Variants in MALRD1 observed in about 807,000 individuals in gnomAD.
The protein encoded by MALRD1 is MAM and LDL receptor class A domain containing 1.
Under a neutral mutation model 242.1 loss-of-function variants are expected in MALRD1, and 247 were observed. The observed-to-expected ratio is 1.02, with a 90% CI of 0.92 to 1.13. MALRD1 has a LOEUF of 1.13. MALRD1 is among the 50% of genes most tolerant of loss of function. The pLI is 0.00. For missense variants in MALRD1, 2,989 were observed against 2,533.1 expected (o/e 1.18, Z -3.86); for synonymous variants, 995 against 866.6 (o/e 1.15, Z -2.60).
At chr10:19,584,191 A>AT (rs1187130663) in intron 33 of MALRD1, among the ~76,000 whole-genome samples, 2 of 151,676 alleles carry the variant, frequency 1.3e-5, no homozygotes, top group South Asian at 2.1e-4. Context: ...GGATTCATTG[A>AT]TTTTTTGAAG....
At chr10:19,530,357 ATTTATATAAATATTTATATAAATATTAT>A (rs1834307949) in intron 31 of MALRD1, among the ~76,000 whole-genome samples, 1 of 63,756 alleles carries the variant, frequency 1.6e-5, no homozygotes, top group African/African-American at 6.8e-5. Flanking sequence ...AATATATAAT[ATTTATATAAATATTTATATAAATATTAT>A]ATATTTATAT....
intron 10 of MALRD1, among the ~76,000 whole-genome samples, chr10:19,144,465 A>G (rs992740719): frequency 6.6e-6 from 1 of 152,216 alleles, no homozygotes; most frequent in Non-Finnish European, 1.5e-5. Context: ...ACCGCACTTC[A>G]ATGTTTTAAG....
chr10:19,390,939 C>T (rs1181407028), intron 28 of MALRD1, among the ~76,000 whole-genome samples: 2 of 152,150 alleles, frequency 1.3e-5, no homozygotes, highest in Non-Finnish European at 1.5e-5. Flanking sequence ...TTAAAGTTCT[C>T]ATAAGAGGAC....
chr10:19,531,576 A>G (rs1834418954), intron 32 of MALRD1, among the ~76,000 whole-genome samples: 1 of 152,126 alleles, frequency 6.6e-6, no homozygotes, highest in African/African-American at 2.4e-5. Flanking sequence ...GAACTCAATT[A>G]TGTTGTATGG....
intron 36 of MALRD1, among the ~76,000 whole-genome samples, chr10:19,669,306 A>G (rs142914097): frequency 6.0e-4 from 91 of 152,350 alleles, no homozygotes; most frequent in African/African-American, 2.0e-3. Context: ...GACTATGAAC[A>G]TAGTATTTGA....
intron 30 of MALRD1, among the ~76,000 whole-genome samples, chr10:19,496,211 C>G (rs1454862406): frequency 6.6e-6 from 1 of 152,110 alleles, no homozygotes; most frequent in African/African-American, 2.4e-5. Flanking sequence ...CAACACTTGA[C>G]CAATGGACCT....
In MALRD1 at chr10:19,299,532, C is replaced by G. The variant is rs1841850446; in HGVS notation, c.3419+16351C>G. Reference sequence around the variant, plus strand: ...AGCACCTGAATTCATAAAACAAATTCTTAGAGACCTACAAATAGACTTATA... The same window carrying G: ...AGCACCTGAATTCATAAAACAAATTGTTAGAGACCTACAAATAGACTTATA... On this transcript the variant is annotated intron_variant, in intron 21 of 39. Coordinates refer to ENST00000454679, the MANE Select transcript of MALRD1 (RefSeq NM_001142308.3). 2.0e-5 allele frequency among the ~76,000 whole-genome samples: 3 copies of G among 151,868 alleles called. No individual in the cohort carries two copies. The South Asian group carries it at 6.2e-4, about 31-fold the overall frequency.
At chr10:19,239,380 T>C (rs1452831154) in intron 18 of MALRD1, among the ~76,000 whole-genome samples, 1 of 152,184 alleles carries the variant, frequency 6.6e-6, no homozygotes, top group Non-Finnish European at 1.5e-5. Flanking sequence ...TTAAGTTTCT[T>C]ATATAATGTG....
intron 21 of MALRD1, among the ~76,000 whole-genome samples, chr10:19,284,484 G>A (rs1282714667): frequency 6.9e-6 from 1 of 145,272 alleles, no homozygotes; most frequent in Non-Finnish European, 1.5e-5. Flanking sequence ...TCCCACCTAT[G>A]AGTGAGAATA....
At chr10:19,351,001 G>T (rs1844350429) in intron 25 of MALRD1, among the ~76,000 whole-genome samples, 1 of 152,130 alleles carries the variant, frequency 6.6e-6, no homozygotes, top group African/African-American at 2.4e-5. Context: ...TGGGGTCATA[G>T]AATAATAATT....
At position 19,132,554 on chromosome 10, in the gene MALRD1, G is replaced by A. The variant is rs115287431; in HGVS notation, c.1111-1302G>A. Among the ~76,000 whole-genome samples the A allele has an allele frequency of 5.9e-3, 905 of 152,226 alleles. 11 individuals are homozygous for A. The highest frequency in any genetic ancestry group is 0.02 in the African/African-American group (850 of 41,548). On this transcript the variant is annotated intron_variant, in intron 8 of 39. Coordinates refer to ENST00000454679, the MANE Select transcript of MALRD1 (RefSeq NM_001142308.3). ...AGTAGATTCATTTTTAGAAAATCTT[G>A]GGCATGCATAAATTATGTGAGGCTG...
chr10:19,601,128 C>G (rs185691141), intron 34 of MALRD1, among the ~76,000 whole-genome samples: 1 of 152,028 alleles, frequency 6.6e-6, no homozygotes, highest in Admixed American at 6.6e-5. Flanking sequence ...ATGATCCTGC[C>G]GCCTTGGTCT....
intron 22 of MALRD1, among the ~76,000 whole-genome samples, chr10:19,326,564 C>G (rs899323842): frequency 1.3e-4 from 20 of 151,690 alleles, no homozygotes; most frequent in African/African-American, 4.8e-4. Context: ...TTGATTTTTA[C>G]TGATTGGTTA....
intron 18 of MALRD1, among the ~76,000 whole-genome samples, chr10:19,222,717 T>C (rs1837615763): frequency 6.6e-6 from 1 of 152,190 alleles, no homozygotes; most frequent in South Asian, 2.1e-4. Context: ...GTTTGAATCA[T>C]GTGCAACATT....
At chr10:19,593,377 A>G (rs1199856232) in intron 33 of MALRD1, among the ~76,000 whole-genome samples, 1 of 152,190 alleles carries the variant, frequency 6.6e-6, no homozygotes, top group Non-Finnish European at 1.5e-5. Flanking sequence ...TTCTAGATAC[A>G]TCTTCACTAT....
intron 28 of MALRD1, among the ~76,000 whole-genome samples, chr10:19,435,747 T>C (rs78073630): frequency 0.014 from 2,183 of 152,220 alleles, 19 homozygotes; most frequent in Non-Finnish European, 0.024. Context: ...AAAGTTGCTG[T>C]CCCTTATTTC....
intron 21 of MALRD1, among the ~76,000 whole-genome samples, chr10:19,288,741 C>A (rs1431533004): frequency 6.6e-6 from 1 of 152,060 alleles, no homozygotes; most frequent in African/African-American, 2.4e-5. Context: ...AATGTTATTG[C>A]AGATGCTCTT....
rs1003555181 is a variant in MALRD1, at chr10:19,708,693, G to A, written c.6314+16139G>A. Among the ~76,000 whole-genome samples the A allele has an allele frequency of 3.3e-5, 4 of 120,806 alleles. 1 individual carries two copies. Among genetic ancestry groups the A allele is most frequent in the African/African-American group, 7.9e-5 (3 of 38,018 alleles). 79.3% of individuals were successfully genotyped at this position (120,806 alleles called of 152,430 possible). A position where few individuals can be genotyped will look rare whatever the true frequency, so the allele number is the denominator to read the frequency against. ...TATTTATTTTTTGAGACAGAGCCTC[G>A]CATTGTCACCCAGGCTGGAGTGCAG... On this transcript the variant is annotated intron_variant, in intron 38 of 39. Transcript: ENST00000454679.
rs1280035337 is a variant in MALRD1, at chr10:19,088,135, A to C, written c.547A>C (p.Asn183His). 3.2e-6 allele frequency: 4 copies of C among 1,233,452 alleles called. No individual in the cohort carries two copies. The highest frequency in any genetic ancestry group is 4.1e-5 in the South Asian group (1 of 24,410). 76.4% of individuals were successfully genotyped at this position (1,233,452 alleles called of 1,614,324 possible). Residue 183 changes from asparagine (N) to histidine (H), a missense_variant, in exon 4 of 40, where the codon AAT (asparagine) becomes CAT (histidine). Asn to His is a moderately conservative substitution (Grantham distance 68). Transcript: ENST00000454679. Reference sequence around the variant, plus strand: ...ATGGCAAAACACAGCTGCACTCCCAAATCAGTGGGAGAGAAATGTCATCAA... The same window carrying C: ...ATGGCAAAACACAGCTGCACTCCCACATCAGTGGGAGAGAAATGTCATCAA... ...HLWQNTAALP[N>H]QWERNVIKIQ...
Sources: gnomAD v4.1 joint callset for allele counts (sites outside exome capture counted in the v4.1 genomes callset) on GRCh38, gnomAD v4.1.1 for gene constraint, MANE v1.5 for transcripts, NCBI Gene and HGNC (gene_info 2026-07-23, HGNC 2026-07-21) for gene names.